Variants in SEPTIN6 observed in about 807,000 individuals in gnomAD.
The protein encoded by SEPTIN6 is septin 6, also known as septin-6.
SEPTIN6 carries 8 observed loss-of-function variants against 33.6 expected under a neutral mutation model. The observed-to-expected ratio is 0.24, with a 90% confidence interval of 0.14 to 0.43. SEPTIN6 has a LOEUF of 0.43. SEPTIN6 is among the 20% of genes least tolerant of loss of function. The probability of loss-of-function intolerance (pLI) is 1.00; values close to 1 mark genes in which losing one functional copy is unlikely to be tolerated. For synonymous variants in SEPTIN6, 131 were observed against 140.0 expected, an observed-to-expected ratio of 0.94 and a Z score of 0.45; for missense variants, 250 against 340.8, an observed-to-expected ratio of 0.73 and a Z score of 2.10.
intron 2 of SEPTIN6, among the ~76,000 whole-genome samples, chrX:119,672,529 C>T (rs2054766299): frequency 8.9e-6 from 1 of 112,070 alleles, no homozygotes; most frequent in Non-Finnish European, 1.9e-5. Context: ...CCCACCCAAT[C>T]GCACTGGTTG....
intron 1 of SEPTIN6, chrX:119,686,651 T>C: frequency 1.1e-6 from 1 of 936,929 alleles, no homozygotes; most frequent in Non-Finnish European, 1.4e-6. Context: ...CCTGCCAAAC[T>C]GAGGAGGAAG....
At chrX:119,681,691 G>A (rs1344052109) in intron 1 of SEPTIN6, among the ~76,000 whole-genome samples, 1 of 112,034 alleles carries the variant, frequency 8.9e-6, no homozygotes, top group Non-Finnish European at 1.9e-5. Flanking sequence ...ACTGATGTGA[G>A]TATCTCCAAG....
At chrX:119,638,238 G>GT (rs1213822873) in intron 6 of SEPTIN6, among the ~76,000 whole-genome samples, 1 of 111,610 alleles carries the variant, frequency 9.0e-6, no homozygotes, top group Non-Finnish European at 1.9e-5. Context: ...AGTAGCAGTG[G>GT]TGACTAGGAG....
intron 2 of SEPTIN6, among the ~76,000 whole-genome samples, chrX:119,671,322 C>G (rs1187094237): frequency 2.8e-5 from 3 of 105,972 alleles, no homozygotes; most frequent in Non-Finnish European, 5.9e-5. Context: ...GAATCTCACT[C>G]TGTCACCCAG....
chrX:119,663,386 C>T (rs1287165204), intron 3 of SEPTIN6, 96 bp downstream of exon 3: 3 of 760,081 alleles, frequency 3.9e-6, no homozygotes, highest in East Asian at 3.3e-5. Context: ...GGCTTGGGCC[C>T]GATATCTGTG....
intron 7 of SEPTIN6, among the ~76,000 whole-genome samples, chrX:119,633,771 G>A (rs2054008791): frequency 8.9e-6 from 1 of 112,169 alleles, no homozygotes; most frequent in South Asian, 3.7e-4. Flanking sequence ...GGCCCAGAGA[G>A]GTGAGGTGTC....
At chrX:119,628,066 C>G (rs918650594) in intron 9 of SEPTIN6, among the ~76,000 whole-genome samples, 1 of 108,754 alleles carries the variant, frequency 9.2e-6, no homozygotes, top group African/African-American at 3.3e-5. Context: ...TCCCAAAGTG[C>G]TGGGATTACA....
At chrX:119,644,773 G>A in intron 5 of SEPTIN6, among the ~76,000 whole-genome samples, 1 of 109,349 alleles carries the variant, frequency 9.1e-6, no homozygotes, top group Middle Eastern at 4.7e-3. Flanking sequence ...TTGAACCTGG[G>A]AGGCGGAGGT....
At chrX:119,685,056 G>A (rs1011202887) in intron 1 of SEPTIN6, among the ~76,000 whole-genome samples, 2 of 111,910 alleles carry the variant, frequency 1.8e-5, no homozygotes, top group Non-Finnish European at 3.8e-5. Flanking sequence ...CCAGACAGAG[G>A]AGGAGGCCCA....
chrX:119,627,115 G>A (rs910005692), intron 9 of SEPTIN6, among the ~76,000 whole-genome samples: 3 of 111,854 alleles, frequency 2.7e-5, no homozygotes, highest in African/African-American at 9.7e-5. Context: ...CAGAGGAAAG[G>A]AAGGTGTTTC....
At chrX:119,645,815 C>T (rs2054247099) in intron 5 of SEPTIN6, among the ~76,000 whole-genome samples, 1 of 111,616 alleles carries the variant, frequency 9.0e-6, no homozygotes, top group Non-Finnish European at 1.9e-5. Flanking sequence ...CACGTGTGAG[C>T]CACTGCACCC....
chrX:119,680,997 T>C lies in SEPTIN6; in HGVS notation c.31-5329A>G, dbSNP rs1270238338. Among the ~76,000 whole-genome samples, 4 of 98,546 alleles carry C rather than the reference T, an allele frequency of 4.1e-5. No individual in the cohort carries two copies. The East Asian group carries it at 1.3e-3, about 31-fold the overall frequency. The allele number at this position is 98,546 out of a possible 115,157, so 85.6% of individuals were successfully genotyped here. On this transcript the variant is annotated intron_variant, in intron 1 of 10. Coordinates refer to ENST00000394610, the MANE Select transcript of SEPTIN6 (RefSeq NM_145799.4). Reference sequence around the variant, plus strand: ...CTCTGTCTCAAAAAAAAAAAAAAAATGTATTTGTATAGTTCCTACTTTAGG... The same window carrying C: ...CTCTGTCTCAAAAAAAAAAAAAAAACGTATTTGTATAGTTCCTACTTTAGG...
chrX:119,678,609 CCTT>C (rs1307913060), intron 1 of SEPTIN6, among the ~76,000 whole-genome samples: 2 of 112,100 alleles, frequency 1.8e-5, no homozygotes, highest in Non-Finnish European at 1.9e-5. Context: ...TTCTGCTTCT[CCTT>C]CTCATTTCCC....
intron 9 of SEPTIN6, among the ~76,000 whole-genome samples, chrX:119,627,791 CTTTTTTTTTTTT>C (rs973249197): frequency 4.1e-5 from 3 of 73,674 alleles, no homozygotes; most frequent in East Asian, 9.3e-4. Flanking sequence ...ATCTGCACTT[CTTTTTTTTTTTT>C]TTTTTTTTTT....
rs1042484688 is a variant in SEPTIN6, at chrX:119,688,292, T to C, written c.30+4784A>G. Among the ~76,000 whole-genome samples the C allele has an allele frequency of 4.5e-5, 5 of 111,625 alleles. No individual in the cohort carries two copies. The Admixed American group carries it at 4.8e-4, about 11-fold the overall frequency. On this transcript the variant is annotated intron_variant, in intron 1 of 10. Transcript: ENST00000394610. ...ATGAAATCTCATGGCAGGCAGTCAC[T>C]CTCCTGTGTAGCACTTATCACAAAG...
chrX:119,656,388 C>G (rs1158111574), intron 3 of SEPTIN6, among the ~76,000 whole-genome samples: 1 of 112,051 alleles, frequency 8.9e-6, no homozygotes, highest in African/African-American at 3.2e-5. Context: ...GATGACAGAG[C>G]CATGGAGAGA....
intron 1 of SEPTIN6, among the ~76,000 whole-genome samples, chrX:119,689,380 G>T (rs1439916997): frequency 8.9e-6 from 1 of 112,371 alleles, no homozygotes; most frequent in Non-Finnish European, 1.9e-5. Context: ...CTCATAGTCA[G>T]GGGGTGAGGT....
Position 119,618,991 on chromosome X carries a change from C to T in SEPTIN6, c.*1102G>A. Reference sequence around the variant, plus strand: ...AACTTAGGGCTGGAATATTTTTAAACTCTCAACTCCTTAAATTGGAAAGAA... The same window carrying T: ...AACTTAGGGCTGGAATATTTTTAAATTCTCAACTCCTTAAATTGGAAAGAA... On this transcript the variant is annotated 3_prime_UTR_variant, in exon 11 of 11. Transcript: ENST00000394610. 1 of 976,531 alleles carries T rather than the reference C, an allele frequency of 1.0e-6. No homozygotes were observed. The allele number at this position is 976,531 out of a possible 1,213,427, so 80.5% of individuals were successfully genotyped here. A position where few individuals can be genotyped will look rare whatever the true frequency, so the allele number is the denominator to read the frequency against.
intron 2 of SEPTIN6, among the ~76,000 whole-genome samples, chrX:119,671,204 G>A: frequency 9.0e-6 from 1 of 111,266 alleles, no homozygotes; most frequent in Non-Finnish European, 1.9e-5. Flanking sequence ...CCAGGACTTT[G>A]GGAGGCCAAG....
Sources: gnomAD v4.1 joint callset for allele counts (sites outside exome capture counted in the v4.1 genomes callset) on GRCh38, gnomAD v4.1.1 for gene constraint, MANE v1.5 for transcripts, NCBI Gene and HGNC (gene_info 2026-07-23, HGNC 2026-07-21) for gene names.